Variants in TRAF7 observed in about 807,000 individuals in gnomAD.
The protein encoded by TRAF7 is TNF receptor associated factor 7, also known as E3 ubiquitin-protein ligase TRAF7.
In TRAF7, 45 loss-of-function variants were observed where a neutral mutation model predicts 89.3. The ratio of observed to expected loss-of-function variants is 0.50; its 90% CI spans 0.40 to 0.65. The LOEUF (loss-of-function observed/expected upper bound fraction) is 0.65. TRAF7 is among the 30% of genes least tolerant of loss of function. TRAF7 has a pLI of 0.00. For synonymous variants in TRAF7, 406 were observed against 369.2 expected (o/e 1.10, Z -1.14); for missense variants, 677 against 918.1 (o/e 0.74, Z 3.39).
rs1183789869 is a variant in TRAF7 at position 2,172,496 on chromosome 16, G to A, written c.691G>A (p.Val231Met). The change falls in exon 9 of 21, where the codon GTG (valine) becomes ATG (methionine). Residue 231 changes from valine (V) to methionine (M), a missense_variant. Around this residue, in one of 6 missense-constraint regions of TRAF7, gnomAD observed 238 missense variants for 352.6 expected, o/e 0.67. Transcript: ENST00000326181. ...CGAGGGCAGCTGTGACTACAGGCCT[G>A]TGCGGTGTCCCAACAACCCCAGCTG... ...DHEGSCDYRP[V>M]RCPNNPSCPP... 6.2e-7 allele frequency: 1 copy of A among 1,607,874 alleles called. No homozygotes were observed. The highest frequency in any genetic ancestry group is 8.5e-7 in the Non-Finnish European group (1 of 1,178,192).
Position 2,173,187 on chromosome 16 carries a change from C to A in TRAF7, c.800C>A (p.Thr267Lys). Residue 267 changes from threonine to lysine, a missense_variant, in exon 10 of 21, where the codon ACG (threonine) becomes AAG (lysine). Physicochemically the swap from Thr to Lys is moderately conservative, Grantham distance 78. Transcript: ENST00000326181. ...IKCPHSKYGC[T>K]FIGNQDTYET... ...CAGCTGTCCTGTCCCCGCAGGTGCA[C>A]GTTCATCGGGAACCAGGACACTTAC... 1.2e-6 allele frequency: 2 copies of A among 1,607,050 alleles called. No homozygotes were observed. The highest frequency in any genetic ancestry group is 1.7e-6 in the Non-Finnish European group (2 of 1,177,944).
At chr16:2,170,299 C>T (rs1430700325) in intron 4 of TRAF7, among the ~76,000 whole-genome samples, 1 of 152,214 alleles carries the variant, frequency 6.6e-6, no homozygotes, top group African/African-American at 2.4e-5. Context: ...CATTCCCCCA[C>T]GGGAAGCAGG....
Position 2,163,958 on chromosome 16 carries a change from C to G in TRAF7, c.38C>G (p.Ser13Cys), listed in dbSNP as rs529246428. The G allele has an allele frequency of 1.2e-6, 2 of 1,612,916 alleles. No individual in the cohort carries two copies. The highest frequency in any genetic ancestry group is 2.2e-5 in the South Asian group (2 of 90,986). The change falls in exon 2 of 21, where the codon TCC becomes TGC. Residue 13 changes from serine to cysteine, a missense_variant. Transcript: ENST00000326181. The surrounding 1 kb of genome is among the most constrained non-coding windows in gnomAD (Gnocchi z 4.3). ...SGKSARYNRF[S>C]GGPSNLPTPD... ...AAGAGTGCCCGCTACAACCGCTTCT[C>G]CGGGGGGCCCAGCAATCTTCCCACC...
At chr16:2,157,661 TG>T (rs1281150996) in intron 1 of TRAF7, among the ~76,000 whole-genome samples, 1 of 151,896 alleles carries the variant, frequency 6.6e-6, no homozygotes, top group Non-Finnish European at 1.5e-5. Flanking sequence ...ATGAGCAGTT[TG>T]GGGAAAGGAG....
At position 2,176,570 on chromosome 16, in the gene TRAF7, G is replaced by A. The variant is rs1238857590; in HGVS notation, c.2009G>A (p.Cys670Tyr). The change falls in exon 21 of 21, where the codon TGC (cysteine) becomes TAC (tyrosine). Residue 670 changes from cysteine (C) to tyrosine (Y), a missense_variant. Cys to Tyr is a radical substitution (Grantham distance 194). Transcript: ENST00000326181. ...GCCCTTTCTCTGCAGGTTTGGACTT[G>A]CTAACAGGATCCAGGCCAGGCTGTG... ...AVDSTVKVWT[C>Y] 5.6e-6 allele frequency: 9 copies of A among 1,613,450 alleles called. No homozygotes were observed. The highest frequency in any genetic ancestry group is 7.6e-6 in the Non-Finnish European group (9 of 1,179,994).
Position 2,162,920 on chromosome 16 carries a change from G to A in TRAF7, c.-38-963G>A, listed in dbSNP as rs1369873360. Among the ~76,000 whole-genome samples, 1 of 152,176 alleles carries A rather than the reference G, an allele frequency of 6.6e-6. No individual in the cohort carries two copies. The highest frequency in any genetic ancestry group is 1.5e-5 in the Non-Finnish European group (1 of 68,022). On this transcript the variant is annotated intron_variant, in intron 1 of 20. Transcript: ENST00000326181. This position sits in a 1 kb window ranked among gnomAD's most constrained non-coding sequence, Gnocchi z 5.0. ...CTTCCAGGCTGCCCAAGTCCTGAAA[G>A]TGGGACCTGCTCGGGAGGAGGGGCG...
chr16:2,165,300 G>A (rs1371930106), intron 2 of TRAF7, among the ~76,000 whole-genome samples: 13 of 137,484 alleles, frequency 9.5e-5, no homozygotes, highest in Non-Finnish European at 1.8e-4. Flanking sequence ...CGGCCTGGTC[G>A]CATGGTTAAG....
In TRAF7 at chr16:2,172,223, G is replaced by A. The variant is rs1456417637; in HGVS notation, c.508G>A (p.Val170Met). 7 of 1,612,952 alleles carry A rather than the reference G, an allele frequency of 4.3e-6. No individual in the cohort carries two copies. The highest frequency in any genetic ancestry group is 2.2e-5 in the East Asian group (1 of 44,880). ...KCPVDNVKLT[V>M]VVNNIAVAEQ... ...TCCCGTGGACAACGTCAAACTGACC[G>A]TGGTGGTGAACAACATCGCGGTGGC... The change falls in exon 8 of 21, where the codon GTG becomes ATG. Residue 170 changes from valine to methionine, a missense_variant. By Grantham distance (21) the Val-to-Met change is conservative. This residue lies in a region of TRAF7 where 238 missense variants were observed against 352.6 expected (regional missense o/e 0.67). Transcript: ENST00000326181.
At chr16:2,170,890 G>A (rs1463194760) in intron 5 of TRAF7, among the ~76,000 whole-genome samples, 160 bp downstream of exon 5, 2 of 152,192 alleles carry the variant, frequency 1.3e-5, no homozygotes, top group African/African-American at 2.4e-5. Flanking sequence ...GTGGGGACTC[G>A]AGGGACCAGG....
At chr16:2,157,034 C>T (rs1459728165) in intron 1 of TRAF7, among the ~76,000 whole-genome samples, 3 of 152,092 alleles carry the variant, frequency 2.0e-5, no homozygotes, top group Non-Finnish European at 2.9e-5. Flanking sequence ...GGGCTGCTGG[C>T]TTGCTCAGGA....
At chr16:2,176,440 G>A (rs1194683933) in intron 20 of TRAF7, 56 bp downstream of exon 20, 2 of 1,612,238 alleles carry the variant, frequency 1.2e-6, no homozygotes, top group African/African-American at 1.3e-5. Flanking sequence ...GAGCGGGGGT[G>A]GGGACGAGGA....
At position 2,176,805 on chromosome 16, in the gene TRAF7, GCCCACCCTCCATC is replaced by G. The variant is rs376471774; in HGVS notation, c.*253_*265del. 2.3e-3 allele frequency: 1,499 copies of G among 640,012 alleles called. 6 individuals carry two copies. Among genetic ancestry groups the G allele is most frequent in the African/African-American group, 5.8e-3 (319 of 55,258 alleles). The allele number at this position is 640,012 out of a possible 1,614,324, so 39.6% of individuals were successfully genotyped here. A position where few individuals can be genotyped will look rare whatever the true frequency, so the allele number is the denominator to read the frequency against. On this transcript the variant is annotated 3_prime_UTR_variant, in exon 21 of 21. Coordinates refer to ENST00000326181, the MANE Select transcript of TRAF7 (RefSeq NM_032271.3). ...GGTGCCAGGTACGACGCTTGCCCCG[GCCCACCCTCCATC>G]CCCACCCTCCATCCCCACCCTAGAT...
intron 3 of TRAF7, among the ~76,000 whole-genome samples, chr16:2,166,875 G>C (rs542730455): frequency 8.4e-4 from 128 of 152,354 alleles, no homozygotes; most frequent in African/African-American, 3.0e-3. Flanking sequence ...CGAGGTGCAG[G>C]GCCAGGGACC....
intron 1 of TRAF7, among the ~76,000 whole-genome samples, 190 bp downstream of exon 1, chr16:2,156,048 G>A (rs1051999371): frequency 1.3e-5 from 2 of 151,958 alleles, no homozygotes; most frequent in South Asian, 4.2e-4. Flanking sequence ...CTGTCCGTCC[G>A]CCAGTCAGTA....
At position 2,168,251 on chromosome 16, in the gene TRAF7, T is replaced by C. The variant is rs1367439453; in HGVS notation, c.231+83T>C. On this transcript the variant is annotated intron_variant, in intron 4 of 20. Transcript: ENST00000326181. This position sits in a 1 kb window ranked among gnomAD's most constrained non-coding sequence, Gnocchi z 4.1. ...TGGGGGAACCAGGTCCCAGGAGGAG[T>C]TGACAGTGAGCTGGTGAGGCACAGG... 1 of 1,218,666 alleles carries C rather than the reference T, an allele frequency of 8.2e-7. No homozygotes were observed. The highest frequency in any genetic ancestry group is 1.2e-6 in the Non-Finnish European group (1 of 865,028). 75.5% of individuals were successfully genotyped at this position (1,218,666 alleles called of 1,614,324 possible).
At chr16:2,173,873 C>A in intron 12 of TRAF7, 37 bp downstream of exon 12, 2 of 1,608,620 alleles carry the variant, frequency 1.2e-6, no homozygotes, top group Admixed American at 1.7e-5. Context: ...GCCCACCCTC[C>A]CCCCCGGGCC....
Position 2,163,938 on chromosome 16 carries a change from T to C in TRAF7, c.18T>C (p.Ser6=). ...TCTAGAGCATGAGCTCAGGCAAGAG[T>C]GCCCGCTACAACCGCTTCTCCGGGG... MSSGK[S]ARYNRFSGGP... is the part of the protein sequence containing the mutation. The change falls in exon 2 of 21, where the codon AGT becomes AGC. Residue 6 remains serine, a synonymous_variant. Transcript: ENST00000326181. The surrounding 1 kb of genome is among the most constrained non-coding windows in gnomAD (Gnocchi z 4.3). The C allele has an allele frequency of 6.2e-7, 1 of 1,612,244 alleles. No homozygotes were observed. The highest frequency in any genetic ancestry group is 8.5e-7 in the Non-Finnish European group (1 of 1,179,634).
Position 2,171,356 on chromosome 16 carries a change from G to T in TRAF7, c.441G>T (p.Gly147=). The T allele has an allele frequency of 6.5e-7, 1 of 1,550,060 alleles. No individual in the cohort carries two copies. The change falls in exon 6 of 21, where the codon GGG becomes GGT. Residue 147 remains glycine, a splice_region_variant and synonymous_variant. Transcript: ENST00000326181. ...AAGACCCCGTGATCACCACGTGTGGGGTGAGCCCGCCGCCCTTCCCAGCCC... is the reference window on the plus strand; with the variant it reads ...AAGACCCCGTGATCACCACGTGTGGTGTGAGCCCGCCGCCCTTCCCAGCCC... The part of the protein sequence containing the change: ...VFKDPVITTC[G]HTFCRRCALK...
Position 2,173,222 on chromosome 16 carries a change from C to G in TRAF7, c.835C>G (p.Leu279Val). The G allele has an allele frequency of 6.2e-7, 1 of 1,612,438 alleles. No homozygotes were observed. The highest frequency in any genetic ancestry group is 8.5e-7 in the Non-Finnish European group (1 of 1,179,710). Reference sequence around the variant, plus strand: ...GAACCAGGACACTTACGAGACCCACCTGGAGACTTGCCGCTTCGAGGGCCT... The same window carrying G: ...GAACCAGGACACTTACGAGACCCACGTGGAGACTTGCCGCTTCGAGGGCCT... The part of the protein sequence containing the change: ...IGNQDTYETH[L>V]ETCRFEGLKE... Residue 279 changes from leucine (L) to valine (V), a missense_variant, in exon 10 of 21, where the codon CTG becomes GTG. Physicochemically the swap from Leu to Val is conservative, Grantham distance 32. This residue lies in a region of TRAF7 where 238 missense variants were observed against 352.6 expected (regional missense o/e 0.67). Transcript: ENST00000326181.
Sources: gnomAD v4.1 joint callset for allele counts (sites outside exome capture counted in the v4.1 genomes callset) on GRCh38, gnomAD v4.1.1 for gene constraint, gnomAD v4.1.1 regional missense constraint, Gnocchi (gnomAD v3.1) non-coding constraint, MANE v1.5 for transcripts, NCBI Gene and HGNC (gene_info 2026-07-23, HGNC 2026-07-21) for gene names.